AGPS: variants seen among roughly 807,000 people sequenced by gnomAD.
The protein encoded by AGPS is alkyldihydroxyacetonephosphate synthase, peroxisomal.
In AGPS, 26 loss-of-function variants were observed where a neutral mutation model predicts 90.7. The observed-to-expected ratio is 0.29, with a 90% CI of 0.21 to 0.40. The LOEUF is 0.40. AGPS is among the 10% of genes least tolerant of loss of function. AGPS has a pLI of 1.00. For synonymous variants in AGPS, 294 were observed against 285.3 expected (o/e 1.03, Z -0.31); for missense variants, 540 against 816.1 (o/e 0.66, Z 4.12).
At chr2:177,508,471 A>G (rs1574020135) in intron 16 of AGPS, among the ~76,000 whole-genome samples, 1 of 152,328 alleles carries the variant, frequency 6.6e-6, no homozygotes, top group South Asian at 2.1e-4. Context: ...TAGGTGGTTT[A>G]TAAAGGAAAT....
chr2:177,485,981 TAGAC>T (rs1248026532), intron 11 of AGPS, among the ~76,000 whole-genome samples: 19 of 152,306 alleles, frequency 1.2e-4, no homozygotes, highest in African/African-American at 2.6e-4. Flanking sequence ...TAATGATTGA[TAGAC>T]AGTGCTACCA....
intron 2 of AGPS, among the ~76,000 whole-genome samples, chr2:177,427,038 T>G (rs950577430): frequency 5.3e-5 from 8 of 152,174 alleles, no homozygotes; most frequent in African/African-American, 1.9e-4. Context: ...TTTTCAGAAC[T>G]CATTACTGGT....
intron 1 of AGPS, among the ~76,000 whole-genome samples, chr2:177,408,178 T>C (rs1685517086): frequency 6.6e-6 from 1 of 152,150 alleles, no homozygotes; most frequent in Admixed American, 6.5e-5. Context: ...TACTGTGTTT[T>C]AGGCTGATTG....
intron 1 of AGPS, among the ~76,000 whole-genome samples, chr2:177,398,108 A>G (rs538955795): frequency 2.0e-5 from 3 of 152,368 alleles, no homozygotes; most frequent in Admixed American, 1.3e-4. Context: ...GAAGGAATAC[A>G]GCTGAGTTAA....
At chr2:177,437,844 A>G (rs1686462271) in intron 5 of AGPS, among the ~76,000 whole-genome samples, 1 of 152,210 alleles carries the variant, frequency 6.6e-6, no homozygotes, top group Non-Finnish European at 1.5e-5. Context: ...GAGAAAAATT[A>G]TACTTTAATG....
At chr2:177,409,764 A>G (rs749040897) in intron 1 of AGPS, among the ~76,000 whole-genome samples, 1 of 152,128 alleles carries the variant, frequency 6.6e-6, no homozygotes, top group Non-Finnish European at 1.5e-5. Context: ...GCAGTAGTTC[A>G]AATGCATCAG....
At position 177,399,358 on chromosome 2, in the gene AGPS, T is replaced by TAA. The variant is rs542176830; in HGVS notation, c.260+6310_260+6311dup. Among the ~76,000 whole-genome samples the TAA allele has an allele frequency of 2.6e-4, 40 of 152,310 alleles. No individual in the cohort carries two copies. The East Asian group carries it at 6.9e-3, about 26-fold the overall frequency. ...AGTCTACCGTTGTAGCATAAAGTATTAATAGCTCTCTGCCTATTAGTGTTC... is the reference window on the plus strand; with the variant it reads ...AGTCTACCGTTGTAGCATAAAGTATTAAAATAGCTCTCTGCCTATTAGTGTTC... On this transcript the variant is annotated intron_variant, in intron 1 of 19. Transcript: ENST00000264167.
intron 1 of AGPS, among the ~76,000 whole-genome samples, chr2:177,394,503 G>C (rs1271201889): frequency 8.1e-6 from 1 of 123,362 alleles, no homozygotes; most frequent in East Asian, 4.4e-4. Flanking sequence ...AGAATGACAG[G>C]GGACGAAGAC....
chr2:177,450,963 C>CATATATATATAT (rs1400248543), intron 8 of AGPS, among the ~76,000 whole-genome samples: 1 of 6,348 alleles, frequency 1.6e-4, no homozygotes, highest in African/African-American at 3.3e-4. Context: ...ACATGTCTTT[C>CATATATATATAT]ATATATATAT....
chr2:177,482,403 A>G (rs1331835694), intron 11 of AGPS, among the ~76,000 whole-genome samples: 1 of 152,048 alleles, frequency 6.6e-6, no homozygotes. Flanking sequence ...GTATATTGCT[A>G]TCAAACCTAT....
chr2:177,434,303 A>G (rs377177736), intron 2 of AGPS, 24 bp from the exon 3 acceptor site: 43 of 1,546,352 alleles, frequency 2.8e-5, no homozygotes, highest in Non-Finnish European at 3.6e-5. Flanking sequence ...TTGCTCTAAT[A>G]TTTTTACTTT....
chr2:177,447,120 C>CCT (rs1686799476), intron 8 of AGPS, among the ~76,000 whole-genome samples: 1 of 152,022 alleles, frequency 6.6e-6, no homozygotes, highest in South Asian at 2.1e-4. Flanking sequence ...TATAGAGACC[C>CCT]CTCTCCTCCA....
At chr2:177,406,703 T>C (rs1685476032) in intron 1 of AGPS, among the ~76,000 whole-genome samples, 1 of 152,232 alleles carries the variant, frequency 6.6e-6, no homozygotes, top group Admixed American at 6.5e-5. Context: ...GCAATGAACA[T>C]GGAAAATACT....
chr2:177,486,436 T>C, intron 11 of AGPS, among the ~76,000 whole-genome samples: 1 of 152,038 alleles, frequency 6.6e-6, no homozygotes, highest in Non-Finnish European at 1.5e-5. Context: ...GGCAGAAAAA[T>C]TGAAAAAATC....
chr2:177,406,640 A>G (rs937806852), intron 1 of AGPS, among the ~76,000 whole-genome samples: 3 of 152,224 alleles, frequency 2.0e-5, no homozygotes, highest in African/African-American at 4.8e-5. Context: ...TCCACATTGG[A>G]GAATCAACAA....
In AGPS at chr2:177,464,245, C is replaced by T. The variant is rs558170916; in HGVS notation, c.996+2227C>T. 5.3e-5 allele frequency among the ~76,000 whole-genome samples: 8 copies of T among 152,216 alleles called. No homozygotes were observed. The East Asian group carries it at 5.8e-4, about 11-fold the overall frequency. On this transcript the variant is annotated intron_variant, in intron 9 of 19. Coordinates refer to ENST00000264167, the MANE Select transcript of AGPS (RefSeq NM_003659.4). The stretch of plus-strand genomic sequence containing the variant: ...CATGAGCCACCGTGCCCAGCCAGCA[C>T]GTTTTATTTTTAACTTAAATTTTTA...
chr2:177,456,769 A>G (rs575202330), intron 8 of AGPS, among the ~76,000 whole-genome samples: 6 of 152,324 alleles, frequency 3.9e-5, no homozygotes, highest in Admixed American at 2.0e-4. Flanking sequence ...CACTGTTAAT[A>G]CTAGACAGAT....
chr2:177,420,747 C>T (rs1260374655), intron 2 of AGPS, among the ~76,000 whole-genome samples: 2 of 151,746 alleles, frequency 1.3e-5, no homozygotes, highest in East Asian at 3.9e-4. Context: ...CTATAAGCCA[C>T]CCACCACCCA....
chr2:177,486,873 A>G (rs1403266283), intron 11 of AGPS, among the ~76,000 whole-genome samples: 1 of 151,398 alleles, frequency 6.6e-6, no homozygotes, highest in Non-Finnish European at 1.5e-5. Flanking sequence ...CTGCCTTGTG[A>G]GAAGCTAGAA....
Sources: allele counts gnomAD v4.1 joint callset (sites outside exome capture counted in the v4.1 genomes callset), GRCh38; gene constraint gnomAD v4.1.1; transcripts MANE v1.5; gene names NCBI Gene and HGNC (gene_info 2026-07-23, HGNC 2026-07-21).